The following LRP1B variants were observed in gnomAD, a reference collection of about 807,000 sequenced individuals.
The protein encoded by LRP1B is low-density lipoprotein receptor-related protein 1B.
A neutral mutation model predicts 556.6 loss-of-function variants in LRP1B; 217 were observed. The observed-to-expected ratio is 0.39, with a 90% confidence interval of 0.35 to 0.44. The LOEUF (loss-of-function observed/expected upper bound fraction) is 0.44. Ranked by LOEUF, LRP1B falls within the 20% of genes least tolerant of loss-of-function variation. The pLI is 1.00. For synonymous variants in LRP1B, 2,047 were observed against 1,865.8 expected, an observed-to-expected ratio of 1.10 and a Z score of -2.50; for missense variants, 5,053 against 5,620.8, an observed-to-expected ratio of 0.90 and a Z score of 3.23.
At position 140,601,094 on chromosome 2, in the gene LRP1B, A is replaced by T. The variant is rs553384809; in HGVS notation, c.6989+356T>A. On this transcript the variant is annotated intron_variant, in intron 42 of 90. Coordinates refer to ENST00000389484, the MANE Select transcript of LRP1B (RefSeq NM_018557.3). ...TTACTTGATTAAAATGCAAAAAAAAAAAAAACACTCTTAGTCTTCCGTGTA... is the reference window on the plus strand; with the variant it reads ...TTACTTGATTAAAATGCAAAAAAAATAAAAACACTCTTAGTCTTCCGTGTA... Among the ~76,000 whole-genome samples, 80 of 150,412 alleles carry T rather than the reference A, an allele frequency of 5.3e-4. 1 individual carries two copies. The East Asian group carries it at 0.016, about 30-fold the overall frequency.
chr2:141,695,183 C>T (rs77824890), intron 2 of LRP1B, among the ~76,000 whole-genome samples: 30 of 151,970 alleles, frequency 2.0e-4, no homozygotes, highest in African/African-American at 7.2e-4. Context: ...CTGTATTTAC[C>T]GTTTTTCCTG....
intron 84 of LRP1B, among the ~76,000 whole-genome samples, chr2:140,291,325 T>TATATATATATATA (rs1449270404): frequency 2.8e-4 from 37 of 132,594 alleles, no homozygotes; most frequent in Non-Finnish European, 4.1e-4. Context: ...TATATTTTTA[T>TATATATATATATA]TATACTTTAA....
Position 140,247,121 on chromosome 2 carries a change from G to A in LRP1B, c.13289C>T (p.Ala4430Val), listed in dbSNP as rs1681200002. 1.2e-6 allele frequency: 2 copies of A among 1,609,404 alleles called. No individual in the cohort carries two copies. Among genetic ancestry groups the A allele is most frequent in the Non-Finnish European group, 1.7e-6 (2 of 1,176,768 alleles). ...NWSGTQCERP[A>V]PKSSKSDHIS... ...ATGATCAGACTTGCTGCTCTTTGGGGCTGGCCTTTCACACTGTGTGCCTGA... is the reference window on the plus strand; with the variant it reads ...ATGATCAGACTTGCTGCTCTTTGGGACTGGCCTTTCACACTGTGTGCCTGA... Residue 4430 changes from alanine (A) to valine (V), a missense_variant, in exon 87 of 91, where the codon GCC becomes GTC. By Grantham distance (64) the Ala-to-Val change is moderately conservative. Coordinates refer to ENST00000389484, the MANE Select transcript of LRP1B (RefSeq NM_018557.3).
At chr2:140,988,332 T>C (rs902700436) in intron 17 of LRP1B, among the ~76,000 whole-genome samples, 4 of 152,066 alleles carry the variant, frequency 2.6e-5, no homozygotes, top group Non-Finnish European at 5.9e-5. Context: ...GACAAAAAGA[T>C]CTTGCAAAAC....
intron 3 of LRP1B, among the ~76,000 whole-genome samples, chr2:141,290,538 G>A (rs141419526): frequency 5.1e-4 from 77 of 152,244 alleles, no homozygotes; most frequent in Middle Eastern, 3.4e-3. Flanking sequence ...CAAGCAGTGC[G>A]TAAAGTTAAA....
rs114294331 is a variant in LRP1B at position 141,736,242 on chromosome 2, C to T, written c.205+74037G>A. On this transcript the variant is annotated intron_variant, in intron 2 of 90. Coordinates refer to ENST00000389484, the MANE Select transcript of LRP1B (RefSeq NM_018557.3). Reference sequence around the variant, plus strand: ...ATGGGCTTGTAATATGCATCTGTGGCCACAGAAGTGAATGAAGCTCCTGGA... The same window carrying T: ...ATGGGCTTGTAATATGCATCTGTGGTCACAGAAGTGAATGAAGCTCCTGGA... Among the ~76,000 whole-genome samples the T allele has an allele frequency of 6.7e-3, 1,019 of 152,206 alleles. 16 individuals carry two copies. Among genetic ancestry groups the T allele is most frequent in the African/African-American group, 0.024 (982 of 41,546 alleles).
chr2:140,732,528 T>G (rs968736699), intron 35 of LRP1B, among the ~76,000 whole-genome samples: 2 of 152,124 alleles, frequency 1.3e-5, no homozygotes, highest in Admixed American at 1.3e-4. Context: ...GGATAGTATA[T>G]ATTAGAATTA....
At chr2:141,556,331 A>C (rs1685960932) in intron 2 of LRP1B, among the ~76,000 whole-genome samples, 1 of 151,966 alleles carries the variant, frequency 6.6e-6, no homozygotes, top group Non-Finnish European at 1.5e-5. Flanking sequence ...CAGTTTGGCA[A>C]GTGTCTTTTG....
intron 49 of LRP1B, among the ~76,000 whole-genome samples, chr2:140,524,794 A>G (rs1052960968): frequency 1.3e-5 from 2 of 151,836 alleles, no homozygotes; most frequent in Non-Finnish European, 1.5e-5. Flanking sequence ...GGGACTCCAA[A>G]AGGGGAGAGG....
intron 20 of LRP1B, among the ~76,000 whole-genome samples, chr2:140,933,986 T>C (rs1379678348): frequency 1.3e-5 from 2 of 151,986 alleles, no homozygotes; most frequent in African/African-American, 2.4e-5. Flanking sequence ...TTCCTATGGA[T>C]AAAATCCATT....
chr2:140,277,103 A>AC (rs1187829772), intron 84 of LRP1B, among the ~76,000 whole-genome samples: 5 of 151,636 alleles, frequency 3.3e-5, no homozygotes, highest in Non-Finnish European at 5.9e-5. Flanking sequence ...TTATAACTAT[A>AC]CCCCTGAAAA....
intron 27 of LRP1B, among the ~76,000 whole-genome samples, chr2:140,855,491 G>GC (rs1387097733): frequency 8.1e-5 from 1 of 12,416 alleles, no homozygotes; most frequent in Non-Finnish European, 3.9e-4. Flanking sequence ...CATCTCTACT[G>GC]GGAAAAAAAA....
intron 21 of LRP1B, among the ~76,000 whole-genome samples, chr2:140,919,601 C>T (rs2105252392): frequency 6.6e-6 from 1 of 152,190 alleles, no homozygotes; most frequent in East Asian, 1.9e-4. Flanking sequence ...AAGATCTGAG[C>T]ACCCATTCAT....
At chr2:142,069,751 C>G (rs946176006) in intron 1 of LRP1B, among the ~76,000 whole-genome samples, 1 of 151,700 alleles carries the variant, frequency 6.6e-6, no homozygotes, top group Non-Finnish European at 1.5e-5. Flanking sequence ...AAAAGGATAA[C>G]AAGCCTGTAA....
At chr2:141,125,844 C>CAAAAAAAAAAAAAAAA in intron 7 of LRP1B, among the ~76,000 whole-genome samples, 1 of 102,210 alleles carries the variant, frequency 9.8e-6, no homozygotes, top group African/African-American at 4.0e-5. Context: ...CTTTCAAATG[C>CAAAAAAAAAAAAAAAA]AAAAAAAAAA....
At chr2:141,454,004 A>C (rs1681533272) in intron 3 of LRP1B, among the ~76,000 whole-genome samples, 1 of 152,050 alleles carries the variant, frequency 6.6e-6, no homozygotes, top group Non-Finnish European at 1.5e-5. Flanking sequence ...AATTTCTTTG[A>C]ATGTTAGAGT....
intron 1 of LRP1B, among the ~76,000 whole-genome samples, chr2:142,011,310 C>T (rs1702952170): frequency 1.3e-5 from 2 of 152,144 alleles, no homozygotes; most frequent in East Asian, 3.9e-4. Flanking sequence ...TGCCCTCATA[C>T]TTTGTGTCAC....
rs547640861 is a variant in LRP1B, at chr2:140,425,407, C to T, written c.10414+17097G>A. On this transcript the variant is annotated intron_variant, in intron 66 of 90. Transcript: ENST00000389484. The stretch of plus-strand genomic sequence containing the variant: ...CAATTATCTGTTCACCCACTTTCTT[C>T]CCCCAGCCCCGCCGAGACAGAGTCT... Among the ~76,000 whole-genome samples, 28 of 152,104 alleles carry T rather than the reference C, an allele frequency of 1.8e-4. No homozygotes were observed. The East Asian group carries it at 2.9e-3, about 16-fold the overall frequency.
At chr2:140,894,589 G>A (rs927507874) in intron 23 of LRP1B, among the ~76,000 whole-genome samples, 8 of 152,040 alleles carry the variant, frequency 5.3e-5, no homozygotes, top group African/African-American at 1.2e-4. Flanking sequence ...AGAAGAGAAA[G>A]GGTACATTTA....
Sources: gnomAD v4.1 joint callset for allele counts (sites outside exome capture counted in the v4.1 genomes callset) on GRCh38, gnomAD v4.1.1 for gene constraint, MANE v1.5 for transcripts, NCBI Gene and HGNC (gene_info 2026-07-23, HGNC 2026-07-21) for gene names.